Variants in MRE11 observed in about 807,000 individuals in gnomAD.
MRE11 encodes the protein double-strand break repair protein MRE11.
A neutral mutation model predicts 91.7 loss-of-function variants in MRE11; 62 were observed. The ratio of observed to expected loss-of-function variants is 0.68; its 90% CI spans 0.55 to 0.84. MRE11 has a LOEUF of 0.84. Among genes scored for constraint, MRE11 ranks in the 40% least tolerant of loss-of-function variants. The probability of loss-of-function intolerance (pLI) is 0.00; values close to 1 mark genes in which losing one functional copy is unlikely to be tolerated. For synonymous variants in MRE11, 273 were observed against 271.4 expected (o/e 1.01, Z -0.06); for missense variants, 796 against 852.9 (o/e 0.93, Z 0.83).
chr11:94,481,413 A>G (rs1025601681), intron 4 of MRE11, among the ~76,000 whole-genome samples: 1 of 152,196 alleles, frequency 6.6e-6, no homozygotes, highest in Non-Finnish European at 1.5e-5. Flanking sequence ...TCTTGAAAGA[A>G]CTGCTTATTG....
At chr11:94,456,165 G>C (rs1946243511) in intron 14 of MRE11, 111 bp downstream of exon 14, 3 of 975,220 alleles carry the variant, frequency 3.1e-6, no homozygotes, top group Admixed American at 4.0e-5. Flanking sequence ...GCCAACCCCA[G>C]CTCACTCCTA....
chr11:94,437,887 G>A (rs1353326906), intron 16 of MRE11, among the ~76,000 whole-genome samples: 1 of 152,160 alleles, frequency 6.6e-6, no homozygotes, highest in African/African-American at 2.4e-5. Context: ...TGCTTTGGGA[G>A]GCTGAGGCGG....
upstream of MRE11, chr11:94,496,877 T>C (rs1213326947): frequency 1.2e-6 from 2 of 1,611,630 alleles, no homozygotes; most frequent in South Asian, 2.2e-5. Flanking sequence ...AAATGAAGAG[T>C]GGTATCGATT....
At chr11:94,510,896 A>G in the MRE11 span, among the ~76,000 whole-genome samples, 1 of 152,212 alleles carries the variant, frequency 6.6e-6, no homozygotes, top group African/African-American at 2.4e-5. Flanking sequence ...TCTTAGGCAG[A>G]ATGTGAGCTC....
intron 14 of MRE11, among the ~76,000 whole-genome samples, chr11:94,448,047 C>T (rs1401318285): frequency 1.3e-5 from 2 of 151,996 alleles, no homozygotes; most frequent in Non-Finnish European, 2.9e-5. Context: ...TAATTCAATG[C>T]CACATTTGAC....
At chr11:94,503,842 A>AC in the MRE11 span, among the ~76,000 whole-genome samples, 1 of 151,546 alleles carries the variant, frequency 6.6e-6, no homozygotes, top group Admixed American at 6.6e-5. Flanking sequence ...AAAAAAAAAA[A>AC]AAAAAAAGAC....
intron 15 of MRE11, 65 bp from the exon 16 acceptor site, chr11:94,445,958 C>A: frequency 8.5e-7 from 1 of 1,183,326 alleles, no homozygotes; most frequent in Admixed American, 1.7e-5. Context: ...TCATACAACA[C>A]TAAAAAATGA....
intron 7 of MRE11, chr11:94,475,486 G>A (rs1340742234): frequency 2.4e-6 from 1 of 411,294 alleles, no homozygotes; most frequent in Non-Finnish European, 4.8e-6. Context: ...GTTCTTCCCT[G>A]ACAACTTCTC....
At chr11:94,475,713 C>G (rs185272859) in intron 7 of MRE11, 246 of 442,368 alleles carry the variant, frequency 5.6e-4, no homozygotes, top group African/African-American at 4.7e-3. Flanking sequence ...ATATATGTAG[C>G]AGGAAACATG....
At chr11:94,499,864 C>G in the MRE11 span, among the ~76,000 whole-genome samples, 1 of 152,068 alleles carries the variant, frequency 6.6e-6, no homozygotes, top group Non-Finnish European at 1.5e-5. Flanking sequence ...ACCCAGTCAC[C>G]CTAGACTAAG....
intron 18 of MRE11, among the ~76,000 whole-genome samples, chr11:94,433,138 ATC>A (rs1199521008): frequency 6.6e-6 from 1 of 152,198 alleles, no homozygotes; most frequent in Non-Finnish European, 1.5e-5. Context: ...TCCTGAAACC[ATC>A]TGTTTCCTCC....
chr11:94,498,473 A>G, upstream of MRE11: 1 of 1,613,974 alleles, frequency 6.2e-7, no homozygotes, highest in Non-Finnish European at 8.5e-7. Flanking sequence ...GAGGACAAGT[A>G]TCTATCACTA....
At chr11:94,476,674 G>A (rs1474678581) in intron 6 of MRE11, among the ~76,000 whole-genome samples, 1 of 151,884 alleles carries the variant, frequency 6.6e-6, no homozygotes, top group African/African-American at 2.4e-5. Context: ...CCAAAGTGCT[G>A]GGATTACAAG....
chr11:94,498,872 T>C (rs765096802), upstream of MRE11: 14 of 263,188 alleles, frequency 5.3e-5, no homozygotes, highest in Non-Finnish European at 8.7e-5. Flanking sequence ...TGGATCTTTG[T>C]TGGGTATTTA....
At chr11:94,507,981 C>T in the MRE11 span, among the ~76,000 whole-genome samples, 8 of 151,986 alleles carry the variant, frequency 5.3e-5, no homozygotes, top group Non-Finnish European at 8.8e-5. Flanking sequence ...TATTTATTTA[C>T]TTTATAGAGA....
chr11:94,497,057 G>A, upstream of MRE11: 7 of 1,452,686 alleles, frequency 4.8e-6, no homozygotes, highest in South Asian at 1.2e-5. Flanking sequence ...TCTCTTGATT[G>A]TGAGGACCAA....
Position 94,438,986 on chromosome 11 carries a change from A to G in MRE11, c.1868-1751T>C, listed in dbSNP as rs1591644962. On this transcript the variant is annotated intron_variant, in intron 16 of 19. Transcript: ENST00000323929. ...AGGCCGTGACTTCAGAGGTACTTTT[A>G]TTCACCTAGCCACTATCCTCTGCTG... Among the ~76,000 whole-genome samples, 2 of 152,224 alleles carry G rather than the reference A, an allele frequency of 1.3e-5. 1 individual carries two copies. Among genetic ancestry groups the G allele is most frequent in the South Asian group, 4.1e-4 (2 of 4,834 alleles).
chr11:94,454,668 C>T (rs76761710), intron 14 of MRE11, among the ~76,000 whole-genome samples: 4,401 of 152,208 alleles, frequency 0.029, 228 homozygotes, highest in African/African-American at 0.1. Context: ...GTTATTTCTT[C>T]TGTAAAACTC....
chr11:94,456,319 G>T lies in MRE11; in HGVS notation c.1520C>A (p.Thr507Asn), dbSNP rs762851526. Residue 507 changes from threonine (T) to asparagine (N), a missense_variant, in exon 14 of 20, where the codon ACC becomes AAC. Physicochemically the swap from Thr to Asn is moderately conservative, Grantham distance 65. Transcript: ENST00000323929. The part of the protein sequence containing the change: ...IDEEVRRFRE[T>N]RQKNTNEEDD... Reference sequence around the variant, plus strand: ...TTCTTCATTAGTATTTTTTTGTCTGGTTTCTCTGAAACGACGTACCTAGAT... The same window carrying T: ...TTCTTCATTAGTATTTTTTTGTCTGTTTTCTCTGAAACGACGTACCTAGAT... 2 of 1,613,222 alleles carry T rather than the reference G, an allele frequency of 1.2e-6. No homozygotes were observed.
Sources: gnomAD v4.1 joint callset for allele counts (sites outside exome capture counted in the v4.1 genomes callset) on GRCh38, gnomAD v4.1.1 for gene constraint, MANE v1.5 for transcripts, NCBI Gene and HGNC (gene_info 2026-07-23, HGNC 2026-07-21) for gene names.